The following SMC2 variants were observed in gnomAD, a reference collection of about 807,000 sequenced individuals.
SMC2 encodes the protein structural maintenance of chromosomes protein 2.
SMC2 carries 41 observed loss-of-function variants against 142.6 expected under a neutral mutation model. That is an observed-to-expected ratio of 0.29 (90% CI 0.22 to 0.37). SMC2 has a LOEUF of 0.37. Among genes scored for constraint, SMC2 ranks in the 10% least tolerant of loss-of-function variants. The probability of loss-of-function intolerance (pLI) is 1.00; values close to 1 mark genes in which losing one functional copy is unlikely to be tolerated. For synonymous variants in SMC2, 463 were observed against 457.5 expected (o/e 1.01, Z -0.15); for missense variants, 1,265 against 1,373.7 (o/e 0.92, Z 1.25).
At position 104,102,355 on chromosome 9, in the gene SMC2, C is replaced by T. The variant is rs900951626; in HGVS notation, c.871-69C>T. 4.2e-5 allele frequency: 59 copies of T among 1,401,632 alleles called. No homozygotes were observed. In the South Asian group the frequency reaches 7.8e-4, roughly 19 times the overall value. The allele number at this position is 1,401,632 out of a possible 1,614,324, so 86.8% of individuals were successfully genotyped here. A position where few individuals can be genotyped will look rare whatever the true frequency, so the allele number is the denominator to read the frequency against. On this transcript the variant is annotated intron_variant, in intron 8 of 24. Transcript: ENST00000374793. ...TTATAAAAAAGTGTTTGATACAGAA[C>T]TCATACAATAAAATGACAGCGTGAA...
Position 104,132,140 on chromosome 9 carries a change from T to C in SMC2, c.3108+15T>C, listed in dbSNP as rs757774649. ...CATGGCAAAAGGTACTTTTTATGTT[T>C]GTTTTATATGAGGTTGCAAGGATGA... On this transcript the variant is annotated intron_variant, in intron 22 of 24. Coordinates refer to ENST00000374793, the MANE Select transcript of SMC2 (RefSeq NM_006444.3). The C allele has an allele frequency of 3.9e-6, 5 of 1,293,016 alleles. No homozygotes were observed. In the Admixed American group the frequency reaches 7.6e-5, roughly 20 times the overall value. 80.1% of individuals were successfully genotyped at this position (1,293,016 alleles called of 1,614,324 possible).
rs974717650 is a variant in SMC2, at chr9:104,138,263, G to A, written c.3417+98G>A. 17 of 960,336 alleles carry A rather than the reference G, an allele frequency of 1.8e-5. No homozygotes were observed. In the African/African-American group the frequency reaches 2.0e-4, roughly 11 times the overall value. The allele number at this position is 960,336 out of a possible 1,614,324, so 59.5% of individuals were successfully genotyped here. ...AGTCAATGTTAATAAGATATTTAGG[G>A]TTGATAAATACTAAAGCATTGTATA... On this transcript the variant is annotated intron_variant, in intron 24 of 24. Transcript: ENST00000374793.
intron 23 of SMC2, 138 bp downstream of exon 23, chr9:104,134,713 T>G: frequency 2.0e-6 from 1 of 499,128 alleles, no homozygotes; most frequent in Non-Finnish European, 3.4e-6. Context: ...CTAAACAATT[T>G]GGTTAAAACA....
rs10521068 is a variant in SMC2 at position 104,124,747 on chromosome 9, G to A, written c.2258-165G>A. Among the ~76,000 whole-genome samples the A allele has an allele frequency of 0.057, 8,641 of 151,980 alleles. 660 individuals are homozygous for A. The highest frequency in any genetic ancestry group is 0.18 in the African/African-American group (7,462 of 41,448). Reference sequence around the variant, plus strand: ...TTTAGATAATTCAAGTATGGCTTTTGGGTAGGATCTGTGTTTCATTATACC... The same window carrying A: ...TTTAGATAATTCAAGTATGGCTTTTAGGTAGGATCTGTGTTTCATTATACC... On this transcript the variant is annotated intron_variant, in intron 17 of 24. Coordinates refer to ENST00000374793, the MANE Select transcript of SMC2 (RefSeq NM_006444.3).
intron 9 of SMC2, among the ~76,000 whole-genome samples, chr9:104,109,645 C>G (rs889931935): frequency 2.0e-5 from 3 of 152,082 alleles, no homozygotes; most frequent in Admixed American, 6.5e-5. Context: ...CATGGATTGA[C>G]TTATTAGCAG....
chr9:104,111,188 T>C (rs144260740), intron 9 of SMC2, among the ~76,000 whole-genome samples: 2 of 152,238 alleles, frequency 1.3e-5, no homozygotes, highest in Non-Finnish European at 2.9e-5. Flanking sequence ...CTTGACAGTT[T>C]ATAAAATATT....
Position 104,127,292 on chromosome 9 carries a change from G to A in SMC2, c.2602G>A (p.Val868Ile). 6.4e-7 allele frequency: 1 copy of A among 1,570,796 alleles called. No individual in the cohort carries two copies. The highest frequency in any genetic ancestry group is 1.2e-5 in the South Asian group (1 of 84,640). ...AAEVAKNKESVNKAQEEVTKQ... is the reference protein window; with the variant it reads ...AAEVAKNKESINKAQEEVTKQ... ...TTTAATTTTTTTGTTTTAGGAGTCAGTAAATAAAGCTCAAGAAGAGGTGAC... is the reference window on the plus strand; with the variant it reads ...TTTAATTTTTTTGTTTTAGGAGTCAATAAATAAAGCTCAAGAAGAGGTGAC... The change falls in exon 20 of 25, where the codon GTA (valine) becomes ATA (isoleucine). Residue 868 changes from valine (V) to isoleucine (I), a missense_variant. This residue lies in a region of SMC2 where 898 missense variants were observed against 904.2 expected (regional missense o/e 0.99). Coordinates refer to ENST00000374793, the MANE Select transcript of SMC2 (RefSeq NM_006444.3).
chr9:104,103,234 G>T (rs1831362674), intron 9 of SMC2, among the ~76,000 whole-genome samples: 1 of 152,044 alleles, frequency 6.6e-6, no homozygotes, highest in African/African-American at 2.4e-5. Flanking sequence ...AAATTGTCCT[G>T]GAGTCCAGGT....
At chr9:104,103,150 A>G (rs1012127416) in intron 9 of SMC2, among the ~76,000 whole-genome samples, 2 of 152,096 alleles carry the variant, frequency 1.3e-5, no homozygotes, top group Non-Finnish European at 2.9e-5. Flanking sequence ...GCCCTGGGAT[A>G]CTTTCAACGT....
chr9:104,091,659 G>C (rs1469907106), upstream of SMC2, among the ~76,000 whole-genome samples: 1 of 152,020 alleles, frequency 6.6e-6, no homozygotes. Context: ...TTACTTCTGC[G>C]GTAAAGTCCT....
chr9:104,127,419 T>C lies in SMC2; in HGVS notation c.2729T>C (p.Ile910Thr). Residue 910 changes from isoleucine (I) to threonine (T), a missense_variant, in exon 20 of 25, where the codon ATT becomes ACT. Physicochemically the swap from Ile to Thr is moderately conservative, Grantham distance 89. This residue lies in a region of SMC2 where 898 missense variants were observed against 904.2 expected (regional missense o/e 0.99). Transcript: ENST00000374793. ...CAAAACAATGATTCTCAGCTTAAAA[T>C]TAAGGAATTAGACCACAACATCAGC... ...KEQNNDSQLK[I>T]KELDHNISKH... is the part of the protein sequence containing the mutation. The C allele has an allele frequency of 6.2e-7, 1 of 1,613,704 alleles. No homozygotes were observed. Among genetic ancestry groups the C allele is most frequent in the Non-Finnish European group, 8.5e-7 (1 of 1,179,756 alleles).
chr9:104,110,508 T>G (rs910168761), intron 9 of SMC2, among the ~76,000 whole-genome samples: 6 of 152,166 alleles, frequency 3.9e-5, no homozygotes, highest in Admixed American at 2.0e-4. Flanking sequence ...AGTAGGCTAT[T>G]AATAGTTAAG....
intron 7 of SMC2, among the ~76,000 whole-genome samples, chr9:104,101,115 T>C (rs1831072282): frequency 6.6e-6 from 1 of 152,080 alleles, no homozygotes; most frequent in East Asian, 1.9e-4. Context: ...TTTATTTTTT[T>C]GTAGAGACAG....
upstream of SMC2, among the ~76,000 whole-genome samples, chr9:104,090,499 C>T (rs1343695997): frequency 1.3e-5 from 2 of 151,544 alleles, no homozygotes; most frequent in South Asian, 2.1e-4. Flanking sequence ...TTCTTTGGGG[C>T]TTTGGATAGG....
upstream of SMC2, among the ~76,000 whole-genome samples, chr9:104,090,136 C>A (rs10991100): frequency 0.11 from 17,225 of 152,170 alleles, 1,226 homozygotes; most frequent in Non-Finnish European, 0.14. Flanking sequence ...CTGAGCTTTC[C>A]TTTATAAACT....
At chr9:104,138,244 T>C in intron 24 of SMC2, 79 bp downstream of exon 24, 7 of 1,165,304 alleles carry the variant, frequency 6.0e-6, no homozygotes, top group Non-Finnish European at 8.3e-6. Flanking sequence ...TAGTAGTCAA[T>C]GTTAATAAGA....
intron 20 of SMC2, among the ~76,000 whole-genome samples, 177 bp from the exon 21 acceptor site, chr9:104,129,468 C>T (rs1408589628): frequency 1.3e-5 from 2 of 150,414 alleles, no homozygotes; most frequent in Non-Finnish European, 2.9e-5. Flanking sequence ...CGCCATTGCA[C>T]TCCAGCTTGG....
At chr9:104,133,814 C>T (rs972458512) in intron 22 of SMC2, among the ~76,000 whole-genome samples, 13 of 152,210 alleles carry the variant, frequency 8.5e-5, no homozygotes, top group East Asian at 1.9e-4. Context: ...TTAACCTCTT[C>T]GGCTAGGAGA....
In SMC2 at chr9:104,131,997, T is replaced by C. The variant is rs779365499; in HGVS notation, c.2992-12T>C. 4 of 1,315,194 alleles carry C rather than the reference T, an allele frequency of 3.0e-6. No individual in the cohort carries two copies. The highest frequency in any genetic ancestry group is 4.3e-6 in the Non-Finnish European group (4 of 936,484). 81.5% of individuals were successfully genotyped at this position (1,315,194 alleles called of 1,614,324 possible). On this transcript the variant is annotated splice_polypyrimidine_tract_variant and intron_variant, in intron 21 of 24. Coordinates refer to ENST00000374793, the MANE Select transcript of SMC2 (RefSeq NM_006444.3). Reference sequence around the variant, plus strand: ...TATATTTTCCCAGTTAACCATGTTTTTTATCTCATAGTACAATGACTTGAT... The same window carrying C: ...TATATTTTCCCAGTTAACCATGTTTCTTATCTCATAGTACAATGACTTGAT...
Sources: allele counts gnomAD v4.1 joint callset (sites outside exome capture counted in the v4.1 genomes callset), GRCh38; gene constraint gnomAD v4.1.1; regional missense constraint gnomAD v4.1.1; transcripts MANE v1.5; gene names NCBI Gene and HGNC (gene_info 2026-07-23, HGNC 2026-07-21).